The following ZMIZ1 variants were observed in gnomAD, a reference collection of about 807,000 sequenced individuals.
ZMIZ1 encodes the protein zinc finger MIZ domain-containing protein 1.
ZMIZ1 carries 17 observed loss-of-function variants against 113.9 expected under a neutral mutation model. The ratio of observed to expected loss-of-function variants is 0.15; its 90% CI spans 0.10 to 0.22. The LOEUF (loss-of-function observed/expected upper bound fraction) is 0.22. Among genes scored for constraint, ZMIZ1 ranks in the 10% least tolerant of loss-of-function variants. ZMIZ1 has a pLI of 1.00. For synonymous variants in ZMIZ1, 607 were observed against 603.1 expected (o/e 1.01, Z -0.09); for missense variants, 1,059 against 1,477.8 (o/e 0.72, Z 4.65).
chr10:79,129,570 C>T (rs1844662066), intron 2 of ZMIZ1, among the ~76,000 whole-genome samples: 1 of 152,200 alleles, frequency 6.6e-6, no homozygotes, highest in Admixed American at 6.5e-5. Flanking sequence ...CTTCCCTCCC[C>T]TCTGCCAGCA....
chr10:79,114,546 TGGGAGGGAGAA>T (rs746078994), intron 1 of ZMIZ1, among the ~76,000 whole-genome samples: 3 of 66,538 alleles, frequency 4.5e-5, no homozygotes, highest in Non-Finnish European at 8.7e-5. Flanking sequence ...TGTGTGAAGG[TGGGAGGGAGAA>T]GGGAGGGAGG....
chr10:79,174,257 G>A (rs1220384407), intron 4 of ZMIZ1, among the ~76,000 whole-genome samples: 30 of 152,208 alleles, frequency 2.0e-4, no homozygotes, highest in Admixed American at 1.8e-3. Context: ...TGGGGTCAGC[G>A]TCGGGGACAC....
chr10:79,089,212 A>G (rs1235687747), intron 1 of ZMIZ1, among the ~76,000 whole-genome samples: 1 of 152,114 alleles, frequency 6.6e-6, no homozygotes, highest in African/African-American at 2.4e-5. Flanking sequence ...CATGGAGGAG[A>G]GGTTCTCCGT....
chr10:79,289,646 G>A (rs1853330642), intron 8 of ZMIZ1, 129 bp from the exon 9 acceptor site: 3 of 781,124 alleles, frequency 3.8e-6, no homozygotes, highest in South Asian at 3.4e-5. Flanking sequence ...GGGGGGTCCA[G>A]TACCGACTCG....
intron 5 of ZMIZ1, among the ~76,000 whole-genome samples, chr10:79,205,003 G>A (rs1426918598): frequency 1.3e-5 from 2 of 150,326 alleles, no homozygotes; most frequent in East Asian, 2.0e-4. Flanking sequence ...ATGGATACAC[G>A]CATAGATGGA....
intron 4 of ZMIZ1, among the ~76,000 whole-genome samples, chr10:79,173,312 C>T (rs924628484): frequency 1.3e-5 from 2 of 152,112 alleles, no homozygotes; most frequent in African/African-American, 4.8e-5. Flanking sequence ...TTTTTTTTAG[C>T]TCATCAGCTG....
At position 79,198,095 on chromosome 10, in the gene ZMIZ1, TAA is replaced by T. The variant is rs1348398640; in HGVS notation, c.-49-3485_-49-3484del. 1.1e-3 allele frequency among the ~76,000 whole-genome samples: 162 copies of T among 152,182 alleles called. 1 individual carries two copies. The highest frequency in any genetic ancestry group is 3.4e-3 in the Middle Eastern group (1 of 294). ...TAACATGGTGAAACCCCATCTCTAC[TAA>T]AAATACAAAAAACTAGCCGGACGTG... On this transcript the variant is annotated intron_variant, in intron 4 of 24. Coordinates refer to ENST00000334512, the MANE Select transcript of ZMIZ1 (RefSeq NM_020338.4).
At chr10:79,087,109 C>T (rs139085621) in intron 1 of ZMIZ1, among the ~76,000 whole-genome samples, 2 of 152,400 alleles carry the variant, frequency 1.3e-5, no homozygotes, top group African/African-American at 2.4e-5. Flanking sequence ...TCTAACCCTC[C>T]ACCTTCCCAT....
chr10:79,074,895 G>C (rs1185574824), intron 1 of ZMIZ1, among the ~76,000 whole-genome samples: 1 of 152,258 alleles, frequency 6.6e-6, no homozygotes, highest in Non-Finnish European at 1.5e-5. Flanking sequence ...TGGCTTGGGA[G>C]GGCCCCAGGC....
intron 7 of ZMIZ1, among the ~76,000 whole-genome samples, chr10:79,276,731 C>T (rs918204689): frequency 1.3e-5 from 2 of 152,156 alleles, no homozygotes; most frequent in African/African-American, 4.8e-5. Context: ...GGGGAGAAGC[C>T]ACGCTTTGCC....
intron 2 of ZMIZ1, among the ~76,000 whole-genome samples, chr10:79,124,493 T>A (rs1174044541): frequency 1.3e-5 from 2 of 152,200 alleles, no homozygotes; most frequent in African/African-American, 2.4e-5. Context: ...TGCTGGGTGA[T>A]CCATTTTGTC....
At chr10:79,307,813 A>T (rs1854830485) in intron 23 of ZMIZ1, among the ~76,000 whole-genome samples, 1 of 151,820 alleles carries the variant, frequency 6.6e-6, no homozygotes, top group African/African-American at 2.4e-5. Context: ...CTCTTCCCCA[A>T]ACCCTCACCA....
At position 79,227,467 on chromosome 10, in the gene ZMIZ1, C is replaced by A. The variant is rs561438381; in HGVS notation, c.280+11193C>A. Among the ~76,000 whole-genome samples, 601 of 152,316 alleles carry A rather than the reference C, an allele frequency of 3.9e-3. 3 individuals are homozygous for A. The highest frequency in any genetic ancestry group is 6.7e-3 in the Non-Finnish European group (455 of 68,034). On this transcript the variant is annotated intron_variant, in intron 7 of 24. Transcript: ENST00000334512. ...TCTGGGTGTGAATCCCACCCAGCCC[C>A]CTAATCACCAGTTCTGAGACCTTGG...
At chr10:79,259,970 C>A (rs1030046569) in intron 7 of ZMIZ1, among the ~76,000 whole-genome samples, 1 of 152,212 alleles carries the variant, frequency 6.6e-6, no homozygotes, top group South Asian at 2.1e-4. Flanking sequence ...CCACTCCCCT[C>A]GACTTTTTGT....
intron 7 of ZMIZ1, among the ~76,000 whole-genome samples, chr10:79,275,457 T>G (rs1288925074): frequency 2.0e-5 from 3 of 152,242 alleles, no homozygotes; most frequent in Non-Finnish European, 4.4e-5. Flanking sequence ...CCACACAAGC[T>G]GAGCAGATGG....
chr10:79,200,676 C>T (rs1188155816), intron 4 of ZMIZ1, among the ~76,000 whole-genome samples: 1 of 152,184 alleles, frequency 6.6e-6, no homozygotes, highest in African/African-American at 2.4e-5. Flanking sequence ...GCCTCAGTTT[C>T]TTTATCTAGA....
At chr10:79,082,709 G>T (rs1842696380) in intron 1 of ZMIZ1, among the ~76,000 whole-genome samples, 1 of 152,244 alleles carries the variant, frequency 6.6e-6, no homozygotes, top group Non-Finnish European at 1.5e-5. Flanking sequence ...TTTGTGTGGA[G>T]TGAAGGACGA....
chr10:79,182,746 C>T (rs1038846020), intron 4 of ZMIZ1, among the ~76,000 whole-genome samples: 55 of 152,224 alleles, frequency 3.6e-4, no homozygotes, highest in African/African-American at 1.1e-3. Flanking sequence ...GCCTGCCTTC[C>T]GAGGCCGAGC....
chr10:79,300,691 C>T, intron 16 of ZMIZ1, 41 bp from the exon 17 acceptor site: 1 of 1,591,146 alleles, frequency 6.3e-7, no homozygotes, highest in African/African-American at 1.3e-5. Flanking sequence ...ATGGACAGCC[C>T]CCTGGCAGAG....
Sources: allele counts gnomAD v4.1 joint callset (sites outside exome capture counted in the v4.1 genomes callset), GRCh38; gene constraint gnomAD v4.1.1; transcripts MANE v1.5; gene names NCBI Gene and HGNC (gene_info 2026-07-23, HGNC 2026-07-21).